FGF12: variants seen among roughly 807,000 people sequenced by gnomAD.
The protein encoded by FGF12 is fibroblast growth factor 12B.
A neutral mutation model predicts 23.6 loss-of-function variants in FGF12; 14 were observed. The observed-to-expected ratio is 0.59, with a 90% CI of 0.39 to 0.93. The LOEUF is 0.93. Among genes scored for constraint, FGF12 ranks in the 40% least tolerant of loss-of-function variants. The pLI, the probability that FGF12 is intolerant of heterozygous loss-of-function variation, is 0.00. For synonymous variants in FGF12, 62 were observed against 77.3 expected (o/e 0.80, Z 1.04); for missense variants, 175 against 217.8 (o/e 0.80, Z 1.24).
intron 4 of FGF12, among the ~76,000 whole-genome samples, chr3:192,245,443 C>T (rs1239560145): frequency 2.0e-5 from 3 of 152,092 alleles, no homozygotes; most frequent in Admixed American, 2.0e-4. Flanking sequence ...ACTCAGCAAA[C>T]ATTTATTGGG....
At chr3:192,488,588 C>T (rs1255159712) in intron 2 of FGF12, among the ~76,000 whole-genome samples, 1 of 151,992 alleles carries the variant, frequency 6.6e-6, no homozygotes, top group Non-Finnish European at 1.5e-5. Context: ...TCAACTCTTG[C>T]CAAATTAATT....
intron 4 of FGF12, among the ~76,000 whole-genome samples, chr3:192,286,329 T>C (rs911980182): frequency 1.3e-5 from 2 of 152,010 alleles, no homozygotes; most frequent in African/African-American, 4.8e-5. Flanking sequence ...CAAATATGCA[T>C]CCATGGTAGA....
chr3:192,511,397 G>C (rs1394112380), intron 2 of FGF12, among the ~76,000 whole-genome samples: 1 of 152,130 alleles, frequency 6.6e-6, no homozygotes, highest in African/African-American at 2.4e-5. Context: ...GGTCTTTCCT[G>C]CTGAAGTGAT....
chr3:192,588,072 G>A (rs182811716), intron 2 of FGF12, among the ~76,000 whole-genome samples: 281 of 151,656 alleles, frequency 1.9e-3, no homozygotes, highest in African/African-American at 6.2e-3. Context: ...CAGGCCGGGC[G>A]CAGCAGCTCA....
chr3:192,637,755 A>C (rs2108661722), intron 2 of FGF12, among the ~76,000 whole-genome samples: 1 of 152,320 alleles, frequency 6.6e-6, no homozygotes, highest in Non-Finnish European at 1.5e-5. Flanking sequence ...TATAAGAAAA[A>C]ATAATAAATG....
At chr3:192,149,201 A>C (rs1455661119) in intron 5 of FGF12, among the ~76,000 whole-genome samples, 3 of 152,218 alleles carry the variant, frequency 2.0e-5, no homozygotes, top group African/African-American at 7.2e-5. Context: ...TTTATGTAGA[A>C]AAATGTCTAG....
At chr3:192,196,646 T>C (rs1186267068) in intron 4 of FGF12, among the ~76,000 whole-genome samples, 1 of 152,176 alleles carries the variant, frequency 6.6e-6, no homozygotes, top group East Asian at 1.9e-4. Context: ...AACTAAAATA[T>C]TCTAGGGTGT....
At chr3:192,158,374 CTT>C (rs869133276) in intron 5 of FGF12, among the ~76,000 whole-genome samples, 4 of 117,242 alleles carry the variant, frequency 3.4e-5, no homozygotes, top group African/African-American at 1.0e-4. Context: ...TTCTTTCTTT[CTT>C]TCTTTCTTTT....
intron 4 of FGF12, among the ~76,000 whole-genome samples, chr3:192,195,924 A>G (rs896072617): frequency 5.9e-5 from 9 of 152,178 alleles, no homozygotes; most frequent in Non-Finnish European, 1.3e-4. Context: ...CTTTAACTAC[A>G]GTCACCATGC....
In FGF12 at chr3:192,409,797, G is replaced by A. The variant is rs752326979; in HGVS notation, c.14-49259C>T. Among the ~76,000 whole-genome samples, 8 of 152,070 alleles carry A rather than the reference G, an allele frequency of 5.3e-5. No homozygotes were observed. The highest frequency in any genetic ancestry group is 1.7e-4 in the African/African-American group (7 of 41,440). ...GGCGCAACCCGGGCGCTTGGGGCCGGAGGCGGAATCAGGGGCCGGGGCCAG... is the reference window on the plus strand; with the variant it reads ...GGCGCAACCCGGGCGCTTGGGGCCGAAGGCGGAATCAGGGGCCGGGGCCAG... On this transcript the variant is annotated intron_variant, in intron 2 of 5. Coordinates refer to ENST00000445105, the MANE Select transcript of FGF12 (RefSeq NM_004113.6). The surrounding 1 kb of genome is among the most constrained non-coding windows in gnomAD (Gnocchi z 4.8).
intron 5 of FGF12, among the ~76,000 whole-genome samples, chr3:192,167,784 T>TG (rs1715308977): frequency 8.3e-6 from 1 of 121,122 alleles, no homozygotes; most frequent in Non-Finnish European, 1.7e-5. Flanking sequence ...TTTTTTTTTT[T>TG]TTTTTTTTTG....
chr3:192,518,431 A>C (rs944280746), intron 2 of FGF12, among the ~76,000 whole-genome samples: 3 of 152,180 alleles, frequency 2.0e-5, no homozygotes, highest in African/African-American at 7.2e-5. Context: ...AGATATTTAA[A>C]TTGTGACTTA....
At chr3:192,655,036 G>C (rs1355436904) in intron 2 of FGF12, among the ~76,000 whole-genome samples, 1 of 152,100 alleles carries the variant, frequency 6.6e-6, no homozygotes, top group Non-Finnish European at 1.5e-5. Flanking sequence ...CAAATTTTAG[G>C]AGTAATAACT....
chr3:192,288,684 A>G (rs1467473066), intron 4 of FGF12, among the ~76,000 whole-genome samples: 1 of 152,048 alleles, frequency 6.6e-6, no homozygotes, highest in Non-Finnish European at 1.5e-5. Flanking sequence ...TGGAGCTCAA[A>G]CTAATTCTTA....
At chr3:192,381,308 C>T (rs1477327682) in intron 2 of FGF12, among the ~76,000 whole-genome samples, 3 of 152,156 alleles carry the variant, frequency 2.0e-5, no homozygotes, top group African/African-American at 7.2e-5. Flanking sequence ...CACGTACATT[C>T]TGAAAAATAC....
chr3:192,567,809 T>TTCTTTATCTCTCTCTC (rs1712408875), intron 2 of FGF12, among the ~76,000 whole-genome samples: 1 of 147,060 alleles, frequency 6.8e-6, no homozygotes, highest in African/African-American at 2.6e-5. Context: ...TTCTCTTTCT[T>TTCTTTATCTCTCTCTC]TCTTTCTCTC....
intron 2 of FGF12, among the ~76,000 whole-genome samples, chr3:192,467,908 C>G (rs146822903): frequency 6.6e-6 from 1 of 152,240 alleles, no homozygotes; most frequent in Admixed American, 6.5e-5. Flanking sequence ...CGGCAGGCAC[C>G]GAGCACAACA....
intron 2 of FGF12, among the ~76,000 whole-genome samples, chr3:192,586,033 G>A (rs1713360715): frequency 6.6e-6 from 1 of 151,860 alleles, no homozygotes. Context: ...GTCCATAAAA[G>A]AAAAAAATCA....
intron 4 of FGF12, among the ~76,000 whole-genome samples, chr3:192,224,798 C>T (rs1331447789): frequency 6.6e-6 from 1 of 152,046 alleles, no homozygotes; most frequent in Non-Finnish European, 1.5e-5. Flanking sequence ...GTACATAATC[C>T]TCAGAGTAGT....
Sources: gnomAD v4.1 joint callset for allele counts (sites outside exome capture counted in the v4.1 genomes callset) on GRCh38, gnomAD v4.1.1 for gene constraint, Gnocchi (gnomAD v3.1) non-coding constraint, MANE v1.5 for transcripts, NCBI Gene and HGNC (gene_info 2026-07-23, HGNC 2026-07-21) for gene names.